The following DCAF5 variants were observed in gnomAD, a reference collection of about 807,000 sequenced individuals.
DCAF5 encodes DDB1- and CUL4-associated factor 5.
A neutral mutation model predicts 80.7 loss-of-function variants in DCAF5; 9 were observed. The ratio of observed to expected loss-of-function variants is 0.11; its 90% CI spans 0.07 to 0.19. The LOEUF (loss-of-function observed/expected upper bound fraction) is 0.19. Among genes scored for constraint, DCAF5 ranks in the 10% least tolerant of loss-of-function variants. The pLI, the probability that DCAF5 is intolerant of heterozygous loss-of-function variation, is 1.00. For missense variants in DCAF5, 842 were observed against 1,205.7 expected (o/e 0.70, Z 4.47); for synonymous variants, 433 against 461.9 (o/e 0.94, Z 0.80).
intron 1 of DCAF5, among the ~76,000 whole-genome samples, chr14:69,148,911 C>T (rs2041624918): frequency 6.6e-6 from 1 of 152,104 alleles, no homozygotes; most frequent in African/African-American, 2.4e-5. Context: ...ACATCAAATC[C>T]CAAGCACTTT....
intron 8 of DCAF5, among the ~76,000 whole-genome samples, chr14:69,060,876 T>C (rs898954546): frequency 6.6e-6 from 1 of 152,114 alleles, no homozygotes; most frequent in Non-Finnish European, 1.5e-5. Flanking sequence ...TGAAGTACAA[T>C]TTGATTTAGC....
intron 7 of DCAF5, among the ~76,000 whole-genome samples, chr14:69,068,698 C>CAAAAAA (rs201955188): frequency 1.5e-5 from 1 of 68,010 alleles, no homozygotes; most frequent in African/African-American, 4.2e-5. Flanking sequence ...AACTCCATCT[C>CAAAAAA]AAAAAAAAAA....
intron 8 of DCAF5, among the ~76,000 whole-genome samples, chr14:69,061,935 G>A (rs1015589074): frequency 6.6e-6 from 1 of 152,114 alleles, no homozygotes; most frequent in East Asian, 1.9e-4. Context: ...CAGAAGGATC[G>A]CTTGAGCCCA....
At chr14:69,111,446 G>GA (rs1170688804) in intron 5 of DCAF5, among the ~76,000 whole-genome samples, 33 of 152,162 alleles carry the variant, frequency 2.2e-4, no homozygotes, top group African/African-American at 6.5e-4. Context: ...ATTGAGTGGG[G>GA]AAAAAACCAC....
chr14:69,152,127 G>C lies in DCAF5; in HGVS notation c.214+638C>G, dbSNP rs578098034. ...ACTCTCGAAACTGTATTAAAAACAA[G>C]ACGCAGAAGAGGCCACAACCGAACG... is the stretch of plus-strand genomic sequence containing the variant. On this transcript the variant is annotated intron_variant, in intron 1 of 8. Transcript: ENST00000341516. This position sits in a 1 kb window ranked among gnomAD's most constrained non-coding sequence, Gnocchi z 4.1. Among the ~76,000 whole-genome samples, 1 of 152,320 alleles carries C rather than the reference G, an allele frequency of 6.6e-6. No homozygotes were observed. Among genetic ancestry groups the C allele is most frequent in the Non-Finnish European group, 1.5e-5 (1 of 68,014 alleles).
chr14:69,084,824 G>T, intron 6 of DCAF5: 1 of 1,074,186 alleles, frequency 9.3e-7, no homozygotes, highest in Non-Finnish European at 1.4e-6. Flanking sequence ...ATTGTGTACA[G>T]ATGTGGCAGC....
intron 6 of DCAF5, chr14:69,085,427 A>G: frequency 2.1e-6 from 1 of 481,504 alleles, no homozygotes; most frequent in Non-Finnish European, 4.0e-6. Flanking sequence ...ACTTTGTCCT[A>G]AAATGATTCT....
intron 5 of DCAF5, among the ~76,000 whole-genome samples, chr14:69,092,580 T>C (rs2139972424): frequency 6.6e-6 from 1 of 152,290 alleles, no homozygotes; most frequent in East Asian, 1.9e-4. Flanking sequence ...GTCACGCCAC[T>C]GCACTCCAGC....
intron 1 of DCAF5, among the ~76,000 whole-genome samples, chr14:69,150,628 T>C (rs1011731244): frequency 3.9e-5 from 6 of 151,962 alleles, no homozygotes; most frequent in African/African-American, 1.5e-4. Flanking sequence ...GGCTTATGCT[T>C]GCAATCTCAG....
intron 8 of DCAF5, among the ~76,000 whole-genome samples, chr14:69,057,440 A>G (rs1344155132): frequency 1.3e-5 from 2 of 151,958 alleles, no homozygotes; most frequent in Non-Finnish European, 2.9e-5. Context: ...CATGTTCTCT[A>G]ATATGAAGAT....
intron 5 of DCAF5, among the ~76,000 whole-genome samples, chr14:69,106,495 A>T (rs1229197553): frequency 6.6e-6 from 1 of 152,036 alleles, no homozygotes; most frequent in Non-Finnish European, 1.5e-5. Flanking sequence ...CAGCCTCTCC[A>T]GTATCTAGGA....
intron 5 of DCAF5, among the ~76,000 whole-genome samples, chr14:69,112,977 G>A (rs970551677): frequency 2.0e-4 from 31 of 152,024 alleles, no homozygotes; most frequent in African/African-American, 7.2e-4. Flanking sequence ...TCTGTACAAT[G>A]AGGAAGTCTG....
At chr14:69,060,563 G>A (rs895378130) in intron 8 of DCAF5, among the ~76,000 whole-genome samples, 3 of 151,452 alleles carry the variant, frequency 2.0e-5, no homozygotes, top group African/African-American at 4.9e-5. Flanking sequence ...ACAGAGTCTC[G>A]CTTTGTCACT....
chr14:69,116,315 G>A (rs1428455396), intron 5 of DCAF5, 51 bp downstream of exon 5: 1 of 1,581,840 alleles, frequency 6.3e-7, no homozygotes, highest in South Asian at 1.1e-5. Context: ...CACATTACCT[G>A]AGAAATGAGG....
intron 5 of DCAF5, among the ~76,000 whole-genome samples, chr14:69,093,321 G>T (rs980157374): frequency 1.3e-5 from 2 of 152,182 alleles, no homozygotes; most frequent in African/African-American, 4.8e-5. Flanking sequence ...TCATGGATAG[G>T]TAGTGATCCC....
chr14:69,143,474 C>T (rs2041436351), intron 1 of DCAF5, among the ~76,000 whole-genome samples: 1 of 151,790 alleles, frequency 6.6e-6, no homozygotes, highest in Non-Finnish European at 1.5e-5. Context: ...GTTACATATG[C>T]CTGGCACATG....
In DCAF5 at chr14:69,095,550, T is replaced by TACACAC. The variant is rs71102626; in HGVS notation, c.666-3669_666-3664dup. Among the ~76,000 whole-genome samples, 6 of 151,266 alleles carry TACACAC rather than the reference T, an allele frequency of 4.0e-5. No individual in the cohort carries two copies. The East Asian group carries it at 5.9e-4, about 15-fold the overall frequency. On this transcript the variant is annotated intron_variant, in intron 5 of 8. Transcript: ENST00000341516. ...TTTTGTTTTGTTTTGTTTTTTTAAG[T>TACACAC]ACACACACACACACAAAAACCACTC...
At chr14:69,101,201 G>C (rs1037375530) in intron 5 of DCAF5, among the ~76,000 whole-genome samples, 1 of 152,188 alleles carries the variant, frequency 6.6e-6, no homozygotes, top group Admixed American at 6.5e-5. Context: ...ATGCTGTGGA[G>C]ATGGATTATT....
intron 1 of DCAF5, among the ~76,000 whole-genome samples, chr14:69,134,370 G>A (rs11627004): frequency 0.054 from 8,148 of 152,254 alleles, 322 homozygotes; most frequent in Non-Finnish European, 0.084. Flanking sequence ...TCTTTCAAAT[G>A]CTGTTTATAA....
Sources: gnomAD v4.1 joint callset for allele counts (sites outside exome capture counted in the v4.1 genomes callset) on GRCh38, gnomAD v4.1.1 for gene constraint, Gnocchi (gnomAD v3.1) non-coding constraint, MANE v1.5 for transcripts, NCBI Gene and HGNC (gene_info 2026-07-23, HGNC 2026-07-21) for gene names.